TNRC6A: variants seen among roughly 807,000 people sequenced by gnomAD.
TNRC6A encodes trinucleotide repeat-containing gene 6A protein.
TNRC6A carries 44 observed loss-of-function variants against 221.2 expected under a neutral mutation model. The ratio of observed to expected loss-of-function variants is 0.20; its 90% CI spans 0.16 to 0.26. The LOEUF (loss-of-function observed/expected upper bound fraction) is 0.26. Among genes scored for constraint, TNRC6A ranks in the 10% least tolerant of loss-of-function variants. The pLI is 1.00. For synonymous variants in TNRC6A, 847 were observed against 838.5 expected (o/e 1.01, Z -0.18); for missense variants, 2,199 against 2,404.4 (o/e 0.91, Z 1.79).
rs536842371 is a variant in TNRC6A, at chr16:24,783,930, G to GA, written c.590-5301dup. Among the ~76,000 whole-genome samples, 21 of 152,294 alleles carry GA rather than the reference G, an allele frequency of 1.4e-4. No individual in the cohort carries two copies. In the East Asian group the frequency reaches 3.9e-3, roughly 28 times the overall value. ...CTGAAACATATTAGTTATACCTGAGGAGTCCTGTTCTTTTCATCCTTTCAG... is the reference window on the plus strand; with the variant it reads ...CTGAAACATATTAGTTATACCTGAGGAAGTCCTGTTCTTTTCATCCTTTCAG... On this transcript the variant is annotated intron_variant, in intron 5 of 24. Coordinates refer to ENST00000395799, the MANE Select transcript of TNRC6A (RefSeq NM_014494.4).
intron 2 of TNRC6A, among the ~76,000 whole-genome samples, chr16:24,745,099 T>C (rs2056975466): frequency 6.6e-6 from 1 of 152,220 alleles, no homozygotes; most frequent in South Asian, 2.1e-4. Flanking sequence ...TCCCCACCCT[T>C]CAATACGATG....
chr16:24,729,181 A>G (rs1276403158), upstream of TNRC6A, among the ~76,000 whole-genome samples: 1 of 152,040 alleles, frequency 6.6e-6, no homozygotes, highest in Non-Finnish European at 1.5e-5. Flanking sequence ...CCTGAGGAGG[A>G]ACAGAGAAGC....
chr16:24,619,746 C>T (rs1433281403), intron 1 of TNRC6A, among the ~76,000 whole-genome samples: 1 of 152,060 alleles, frequency 6.6e-6, no homozygotes, highest in African/African-American at 2.4e-5. Context: ...AAGACAGCCA[C>T]GGGTACAGGG....
intron 2 of TNRC6A, among the ~76,000 whole-genome samples, chr16:24,672,941 C>T (rs1555487886): frequency 6.6e-6 from 1 of 152,068 alleles, no homozygotes; most frequent in Non-Finnish European, 1.5e-5. Flanking sequence ...TGGCTCATAC[C>T]TGTAATCCCA....
At chr16:24,643,814 T>C (rs1179528083) in intron 2 of TNRC6A, among the ~76,000 whole-genome samples, 3 of 151,344 alleles carry the variant, frequency 2.0e-5, no homozygotes, top group African/African-American at 7.3e-5. Flanking sequence ...TTCCAAATAA[T>C]GTTTCTGTCT....
chr16:24,682,995 T>C (rs1596667677), intron 2 of TNRC6A, among the ~76,000 whole-genome samples: 1 of 152,142 alleles, frequency 6.6e-6, no homozygotes, highest in African/African-American at 2.4e-5. Flanking sequence ...CTCAGAGAGA[T>C]TCATTAACTT....
chr16:24,655,266 G>A (rs1475283749), intron 2 of TNRC6A, among the ~76,000 whole-genome samples: 3 of 151,960 alleles, frequency 2.0e-5, no homozygotes, highest in Non-Finnish European at 2.9e-5. Context: ...TGAAAGGCGG[G>A]GGGGAACACT....
Position 24,809,299 on chromosome 16 carries a change from A to G in TNRC6A, c.4541-51A>G, listed in dbSNP as rs781452678. 17 of 1,425,102 alleles carry G rather than the reference A, an allele frequency of 1.2e-5. No homozygotes were observed. In the South Asian group the frequency reaches 2.7e-4, roughly 23 times the overall value. 88.3% of individuals were successfully genotyped at this position (1,425,102 alleles called of 1,614,324 possible). A position where few individuals can be genotyped will look rare whatever the true frequency, so the allele number is the denominator to read the frequency against. ...GGAAATAGAAGTTGTGCTACTAGAA[A>G]GAAAATGTGCTGTATTTTCTAAGGT... On this transcript the variant is annotated intron_variant, in intron 17 of 24. Coordinates refer to ENST00000395799, the MANE Select transcript of TNRC6A (RefSeq NM_014494.4).
intron 2 of TNRC6A, among the ~76,000 whole-genome samples, chr16:24,658,037 A>G (rs2054954670): frequency 6.6e-6 from 1 of 152,184 alleles, no homozygotes; most frequent in Admixed American, 6.6e-5. Flanking sequence ...TTTGACAAAA[A>G]GTATGAACAT....
At chr16:24,719,037 C>A (rs113260188) in intron 2 of TNRC6A, among the ~76,000 whole-genome samples, 15,057 of 84,102 alleles carry the variant, frequency 0.18, 1,602 homozygotes, top group East Asian at 0.43. Context: ...ACTCTGTCTC[C>A]AAAAAAAAAA....
intron 1 of TNRC6A, among the ~76,000 whole-genome samples, chr16:24,612,679 C>T (rs544162738): frequency 3.0e-4 from 46 of 151,792 alleles, no homozygotes; most frequent in African/African-American, 1.1e-3. Flanking sequence ...CCCAGGAGGT[C>T]GAGGCTGCAG....
At chr16:24,629,034 A>G (rs1279236822) in intron 1 of TNRC6A, among the ~76,000 whole-genome samples, 4 of 152,204 alleles carry the variant, frequency 2.6e-5, no homozygotes, top group Admixed American at 6.6e-5. Flanking sequence ...GCAATTTATT[A>G]AAGTTGTAAA....
intron 2 of TNRC6A, among the ~76,000 whole-genome samples, chr16:24,737,140 A>G (rs764614607): frequency 2.6e-5 from 4 of 152,300 alleles, no homozygotes; most frequent in Admixed American, 6.5e-5. Context: ...AATTGAATGT[A>G]TGCCAAAATA....
chr16:24,630,768 G>A (rs1198816072), intron 1 of TNRC6A, among the ~76,000 whole-genome samples: 4 of 152,224 alleles, frequency 2.6e-5, no homozygotes, highest in East Asian at 1.9e-4. Flanking sequence ...AACAAACATG[G>A]CTAGTCAGAA....
intron 5 of TNRC6A, among the ~76,000 whole-genome samples, chr16:24,780,621 A>G (rs2057820506): frequency 6.6e-6 from 1 of 152,198 alleles, no homozygotes; most frequent in Non-Finnish European, 1.5e-5. Context: ...AGTGATTACC[A>G]CTGGTATACC....
chr16:24,791,862 T>G, intron 6 of TNRC6A, 45 bp downstream of exon 6: 1 of 1,448,968 alleles, frequency 6.9e-7, no homozygotes, highest in Non-Finnish European at 9.1e-7. Flanking sequence ...TAACTTACTG[T>G]TATTATAAGA....
intron 1 of TNRC6A, among the ~76,000 whole-genome samples, chr16:24,620,508 G>T (rs995464939): frequency 7.2e-5 from 11 of 152,160 alleles, no homozygotes; most frequent in Non-Finnish European, 1.6e-4. Flanking sequence ...AGTGGCTCAG[G>T]CTGGGTGTTC....
intron 1 of TNRC6A, among the ~76,000 whole-genome samples, chr16:24,612,696 A>G (rs994345017): frequency 1.3e-5 from 2 of 152,040 alleles, no homozygotes; most frequent in African/African-American, 2.4e-5. Flanking sequence ...GCAGTGAGCC[A>G]TGATTGCGCC....
At chr16:24,690,513 A>T (rs1203210965) in intron 2 of TNRC6A, among the ~76,000 whole-genome samples, 1 of 152,132 alleles carries the variant, frequency 6.6e-6, no homozygotes, top group Non-Finnish European at 1.5e-5. Context: ...CTTAATATTC[A>T]TTGGGTGCCT....
Sources: gnomAD v4.1 joint callset for allele counts (sites outside exome capture counted in the v4.1 genomes callset) on GRCh38, gnomAD v4.1.1 for gene constraint, MANE v1.5 for transcripts, NCBI Gene and HGNC (gene_info 2026-07-23, HGNC 2026-07-21) for gene names.